Variants in SEC31A observed in about 807,000 individuals in gnomAD.
The protein encoded by SEC31A is protein transport protein Sec31A.
In SEC31A, 70 loss-of-function variants were observed where a neutral mutation model predicts 151.0. That is an observed-to-expected ratio of 0.46 (90% CI 0.38 to 0.57). SEC31A has a LOEUF of 0.57. Among genes scored for constraint, SEC31A ranks in the 20% least tolerant of loss-of-function variants. The pLI, the probability that SEC31A is intolerant of heterozygous loss-of-function variation, is 0.00. For missense variants in SEC31A, 1,330 were observed against 1,471.2 expected, an observed-to-expected ratio of 0.90 and a Z score of 1.57; for synonymous variants, 475 against 505.9, an observed-to-expected ratio of 0.94 and a Z score of 0.82.
intron 17 of SEC31A, among the ~76,000 whole-genome samples, 188 bp from the exon 18 acceptor site, chr4:82,853,903 T>C (rs1413259357): frequency 2.0e-5 from 3 of 152,196 alleles, no homozygotes; most frequent in Non-Finnish European, 4.4e-5. Flanking sequence ...TGAAAAATTG[T>C]ATACAATAAA....
intron 24 of SEC31A, among the ~76,000 whole-genome samples, 186 bp from the exon 25 acceptor site, chr4:82,824,860 G>GT (rs1724177405): frequency 6.6e-6 from 1 of 152,086 alleles, no homozygotes; most frequent in Non-Finnish European, 1.5e-5. Flanking sequence ...CTAGTACAAA[G>GT]TGTAGGCGCT....
intron 1 of SEC31A, among the ~76,000 whole-genome samples, chr4:82,885,826 G>C (rs566199933): frequency 5.9e-5 from 9 of 152,168 alleles, no homozygotes; most frequent in African/African-American, 2.2e-4. Flanking sequence ...TCTCAGTCCT[G>C]CAGTTAAAAT....
intron 14 of SEC31A, 77 bp from the exon 15 acceptor site, chr4:82,857,841 T>C (rs543153424): frequency 5.7e-6 from 5 of 874,382 alleles, no homozygotes; most frequent in Admixed American, 2.1e-5. Flanking sequence ...AATTTACACA[T>C]GATTCTTCAT....
intron 26 of SEC31A, among the ~76,000 whole-genome samples, chr4:82,819,875 C>T (rs1722934990): frequency 6.6e-6 from 1 of 152,036 alleles, no homozygotes; most frequent in Admixed American, 6.6e-5. Context: ...GATTCTCCTG[C>T]CTCAGCCTCC....
rs532351380 is a variant in SEC31A at position 82,881,808 on chromosome 4, G to A, written c.79+50C>T. On this transcript the variant is annotated intron_variant, in intron 2 of 26. Coordinates refer to ENST00000395310, the MANE Select transcript of SEC31A (RefSeq NM_001077207.4). ...GCTTAAACTGAATAAGCTAGGTGCAGAAGAGAAGAAATTAGGTAACTCATA... is the reference window on the plus strand; with the variant it reads ...GCTTAAACTGAATAAGCTAGGTGCAAAAGAGAAGAAATTAGGTAACTCATA... 2.9e-5 allele frequency: 40 copies of A among 1,389,002 alleles called. No individual in the cohort carries two copies. The South Asian group carries it at 4.2e-4, about 14-fold the overall frequency. The allele number at this position is 1,389,002 out of a possible 1,614,324, so 86.0% of individuals were successfully genotyped here.
chr4:82,827,918 C>CTT (rs879912426), intron 23 of SEC31A, among the ~76,000 whole-genome samples: 2 of 140,154 alleles, frequency 1.4e-5, no homozygotes, highest in Non-Finnish European at 1.5e-5. Context: ...AAAACCATGG[C>CTT]TTTTTTTTTT....
intron 19 of SEC31A, among the ~76,000 whole-genome samples, chr4:82,849,275 T>C (rs1730908340): frequency 6.6e-6 from 1 of 152,144 alleles, no homozygotes; most frequent in Non-Finnish European, 1.5e-5. Context: ...CTTTTGATGT[T>C]TTCTTGTGGT....
intron 24 of SEC31A, 58 bp from the exon 25 acceptor site, chr4:82,824,732 A>G: frequency 6.4e-7 from 1 of 1,562,146 alleles, no homozygotes; most frequent in Non-Finnish European, 8.6e-7. Flanking sequence ...TTATATACAC[A>G]ATCTTGAATC....
chr4:82,865,668 TA>T (rs1019537873), intron 10 of SEC31A, among the ~76,000 whole-genome samples: 2 of 150,714 alleles, frequency 1.3e-5, no homozygotes, highest in Non-Finnish European at 3.0e-5. Flanking sequence ...TTAAGCTAAG[TA>T]AAATAAGCCA....
chr4:82,849,096 A>G, intron 19 of SEC31A, 119 bp from the exon 20 acceptor site: 1 of 873,842 alleles, frequency 1.1e-6, no homozygotes. Flanking sequence ...AATGCTGGGT[A>G]TTATACAATA....
chr4:82,878,183 C>T (rs763793639), intron 4 of SEC31A, among the ~76,000 whole-genome samples: 2 of 152,062 alleles, frequency 1.3e-5, no homozygotes, highest in African/African-American at 2.4e-5. Context: ...AATCAAATGG[C>T]GTGACATCTT....
chr4:82,893,715 G>T (rs1288252822), upstream of SEC31A: 1 of 152,168 alleles, frequency 6.6e-6, no homozygotes, highest in African/African-American at 2.4e-5. Context: ...TATTCAAGGA[G>T]ACTTCAAAAA....
chr4:82,864,393 T>C lies in SEC31A; in HGVS notation c.1403A>G (p.Glu468Gly). 1.2e-6 allele frequency: 2 copies of C among 1,614,004 alleles called. No individual in the cohort carries two copies. The highest frequency in any genetic ancestry group is 2.7e-5 in the African/African-American group (2 of 75,050). ...CQKKIDASQT[E>G]FEKNVWSFLK... ...AAAGGACCACACATTTTTCTCAAAT[T>C]CAGTCTGAGAAGCATCAATTTTTTT... The change falls in exon 11 of 27, where the codon GAA (glutamate) becomes GGA (glycine). Residue 468 changes from glutamate to glycine, a missense_variant. Physicochemically the swap from Glu to Gly is moderately conservative, Grantham distance 98. Transcript: ENST00000395310.
At chr4:82,897,674 G>T (rs867983400) in intron 3 of SEC31A, 1 of 152,106 alleles carries the variant, frequency 6.6e-6, no homozygotes, top group African/African-American at 2.4e-5. Flanking sequence ...GGAAGACAGA[G>T]GTTGCAATAA....
chr4:82,873,158 A>G (rs1300140573), intron 6 of SEC31A, among the ~76,000 whole-genome samples: 1 of 152,168 alleles, frequency 6.6e-6, no homozygotes, highest in Admixed American at 6.5e-5. Context: ...CAGGAGTTTG[A>G]GACCAGTCTG....
At chr4:82,834,441 G>T (rs1441499008) in intron 22 of SEC31A, among the ~76,000 whole-genome samples, 1 of 152,074 alleles carries the variant, frequency 6.6e-6, no homozygotes. Flanking sequence ...AAAGTCTATG[G>T]AACTATTTTC....
At chr4:82,894,985 C>A (rs1720001184), upstream of SEC31A, 1 of 152,188 alleles carries the variant, frequency 6.6e-6, no homozygotes, top group South Asian at 2.1e-4. Flanking sequence ...ATTTGAGAAA[C>A]AACTACAATA....
At chr4:82,825,078 T>C (rs1724240278) in intron 24 of SEC31A, among the ~76,000 whole-genome samples, 1 of 152,240 alleles carries the variant, frequency 6.6e-6, no homozygotes, top group South Asian at 2.1e-4. Context: ...ATGCTGGCAT[T>C]CTTCTATTCT....
At chr4:82,896,597 A>G (rs1720070977) in intron 3 of SEC31A, among the ~76,000 whole-genome samples, 1 of 152,140 alleles carries the variant, frequency 6.6e-6, no homozygotes, top group Non-Finnish European at 1.5e-5. Flanking sequence ...TTCTCTACCA[A>G]AAATACAAAA....
Sources: allele counts gnomAD v4.1 joint callset (sites outside exome capture counted in the v4.1 genomes callset), GRCh38; gene constraint gnomAD v4.1.1; transcripts MANE v1.5; gene names NCBI Gene and HGNC (gene_info 2026-07-23, HGNC 2026-07-21).